TSPAN9: variants seen among roughly 807,000 people sequenced by gnomAD.
TSPAN9 encodes tetraspanin-9.
A neutral mutation model predicts 31.0 loss-of-function variants in TSPAN9; 16 were observed. The observed-to-expected ratio is 0.52, with a 90% CI of 0.35 to 0.78. TSPAN9 has a LOEUF of 0.78. Among genes scored for constraint, TSPAN9 ranks in the 30% least tolerant of loss-of-function variants. TSPAN9 has a pLI of 0.01. For synonymous variants in TSPAN9, 145 were observed against 121.6 expected (o/e 1.19, Z -1.27); for missense variants, 272 against 312.5 (o/e 0.87, Z 0.98).
chr12:3,214,848 C>CAGCGATCGTCATTAGGAAG (rs1165493100), intron 3 of TSPAN9, among the ~76,000 whole-genome samples: 4 of 152,084 alleles, frequency 2.6e-5, no homozygotes, highest in Admixed American at 2.0e-4. Context: ...TTCCTCCCTC[C>CAGCGATCGTCATTAGGAAG]AGCGATCGTC....
chr12:3,243,537 CAGGAGATAGGGCTGTTGGCTA>C (rs765706692), intron 3 of TSPAN9, among the ~76,000 whole-genome samples: 8 of 152,218 alleles, frequency 5.3e-5, no homozygotes, highest in Non-Finnish European at 1.2e-4. Context: ...GCCCTGAGCC[CAGGAGATAGGGCTGTTGGCTA>C]AGCAGCTTAG....
intron 2 of TSPAN9, among the ~76,000 whole-genome samples, chr12:3,182,066 G>A (rs370794627): frequency 1.2e-4 from 19 of 152,196 alleles, no homozygotes; most frequent in African/African-American, 3.9e-4. Flanking sequence ...GGGTAGACAG[G>A]AATTTTTGGC....
chr12:3,259,799 G>C (rs993186469), intron 3 of TSPAN9, among the ~76,000 whole-genome samples: 2 of 152,244 alleles, frequency 1.3e-5, no homozygotes, highest in African/African-American at 4.8e-5. Context: ...GAAGGACTCT[G>C]TTCCACATGT....
Position 3,126,713 on chromosome 12 carries a change from A to G in TSPAN9, c.-18+42994A>G, listed in dbSNP as rs542720134. Among the ~76,000 whole-genome samples, 4 of 152,144 alleles carry G rather than the reference A, an allele frequency of 2.6e-5. No homozygotes were observed. The East Asian group carries it at 7.8e-4, about 30-fold the overall frequency. On this transcript the variant is annotated intron_variant, in intron 2 of 8. Coordinates refer to ENST00000011898, the MANE Select transcript of TSPAN9 (RefSeq NM_006675.5). Reference sequence around the variant, plus strand: ...CCCTTGAGCCCAGGAAATTGAGACTAGCCTGGGCAACATAGTGAGACCCTG... The same window carrying G: ...CCCTTGAGCCCAGGAAATTGAGACTGGCCTGGGCAACATAGTGAGACCCTG...
rs116704759 is a variant in TSPAN9 at position 3,232,957 on chromosome 12, C to T, written c.63+31701C>T. ...TTCCCTACTTGGGGTCTGGCCTTCT[C>T]ACAGGAGGACAGCTGTCCCACCTGT... On this transcript the variant is annotated intron_variant, in intron 3 of 8. Coordinates refer to ENST00000011898, the MANE Select transcript of TSPAN9 (RefSeq NM_006675.5). Among the ~76,000 whole-genome samples, 909 of 152,350 alleles carry T rather than the reference C, an allele frequency of 6.0e-3. 10 individuals are homozygous for T. Among genetic ancestry groups the T allele is most frequent in the African/African-American group, 0.02 (848 of 41,566 alleles).
chr12:3,179,572 T>C (rs59365857), intron 2 of TSPAN9, among the ~76,000 whole-genome samples: 6,211 of 152,252 alleles, frequency 0.041, 408 homozygotes, highest in African/African-American at 0.14. Context: ...GTAGAATTTG[T>C]AACGGGTAAG....
intron 2 of TSPAN9, among the ~76,000 whole-genome samples, chr12:3,137,120 C>T (rs1462528923): frequency 1.3e-5 from 2 of 152,242 alleles, no homozygotes; most frequent in Admixed American, 6.5e-5. Context: ...GCAGGACCTT[C>T]CAAACTAAGG....
chr12:3,151,964 A>C (rs952351696), intron 2 of TSPAN9, among the ~76,000 whole-genome samples: 6 of 152,178 alleles, frequency 3.9e-5, no homozygotes, highest in African/African-American at 1.4e-4. Context: ...TTGGAATTGA[A>C]AAGTAAAAGC....
intron 3 of TSPAN9, among the ~76,000 whole-genome samples, chr12:3,267,429 G>A (rs1364368554): frequency 6.6e-6 from 1 of 152,230 alleles, no homozygotes; most frequent in Non-Finnish European, 1.5e-5. Flanking sequence ...TGCCAGAGCT[G>A]CACTGCACCT....
At chr12:3,085,387 C>T (rs574055719) in intron 2 of TSPAN9, among the ~76,000 whole-genome samples, 14 of 151,432 alleles carry the variant, frequency 9.2e-5, no homozygotes, top group Non-Finnish European at 1.5e-4. Context: ...TAGCCCCTGA[C>T]GTCACCAGCC....
At chr12:3,090,543 A>G (rs74054898) in intron 2 of TSPAN9, among the ~76,000 whole-genome samples, 6,871 of 152,324 alleles carry the variant, frequency 0.045, 526 homozygotes, top group African/African-American at 0.16. Flanking sequence ...AAAACAGTCT[A>G]CAAGACCTCT....
chr12:3,160,494 A>G (rs55862802), intron 2 of TSPAN9, among the ~76,000 whole-genome samples: 12,423 of 152,260 alleles, frequency 0.082, 524 homozygotes, highest in Non-Finnish European at 0.098. Flanking sequence ...CTCTATGTTT[A>G]ACTTTTTGAG....
At chr12:3,190,955 G>A (rs1380624086) in intron 2 of TSPAN9, among the ~76,000 whole-genome samples, 3 of 152,350 alleles carry the variant, frequency 2.0e-5, no homozygotes, top group Non-Finnish European at 4.4e-5. Flanking sequence ...TTGGGAGCGG[G>A]GGAAGGTCAG....
intron 2 of TSPAN9, among the ~76,000 whole-genome samples, chr12:3,163,434 A>T (rs1449636758): frequency 1.3e-5 from 2 of 152,216 alleles, no homozygotes; most frequent in Non-Finnish European, 1.5e-5. Context: ...TGTATAGGGC[A>T]GGGACCATGG....
chr12:3,141,813 G>A (rs539918606), intron 2 of TSPAN9, among the ~76,000 whole-genome samples: 3 of 152,298 alleles, frequency 2.0e-5, no homozygotes, highest in African/African-American at 7.2e-5. Flanking sequence ...GACCTGTTCT[G>A]TGGGCTGCTC....
In TSPAN9 at chr12:3,280,339, C is replaced by T. The variant is rs201570884; in HGVS notation, c.331-43C>T. On this transcript the variant is annotated intron_variant, in intron 5 of 8. Coordinates refer to ENST00000011898, the MANE Select transcript of TSPAN9 (RefSeq NM_006675.5). The surrounding 1 kb of genome is among the most constrained non-coding windows in gnomAD (Gnocchi z 4.5). Reference sequence around the variant, plus strand: ...TGAGGTGGGCTGGAGAGACGAGCTGCGTCCTGGTTCCAACCGTCTCACTGT... The same window carrying T: ...TGAGGTGGGCTGGAGAGACGAGCTGTGTCCTGGTTCCAACCGTCTCACTGT... 202 of 1,574,476 alleles carry T rather than the reference C, an allele frequency of 1.3e-4. 1 individual carries two copies. Among genetic ancestry groups the T allele is most frequent in the Non-Finnish European group, 1.6e-4 (185 of 1,148,750 alleles).
intron 2 of TSPAN9, among the ~76,000 whole-genome samples, chr12:3,086,324 T>C (rs1321065008): frequency 1.2e-5 from 1 of 81,926 alleles, no homozygotes; most frequent in African/African-American, 3.5e-5. Context: ...TGGAGCCAAA[T>C]GTAGATTTTT....
rs919140234 is a variant in TSPAN9, at chr12:3,168,774, T to C, written c.-17-32403T>C. On this transcript the variant is annotated intron_variant, in intron 2 of 8. Transcript: ENST00000011898. The surrounding 1 kb of genome is among the most constrained non-coding windows in gnomAD (Gnocchi z 4.0). Reference sequence around the variant, plus strand: ...GAAGCTGAGGCCACTCTCCGCCCCCTCTCTTTTCTGTGTCTCCACCATAAA... The same window carrying C: ...GAAGCTGAGGCCACTCTCCGCCCCCCCTCTTTTCTGTGTCTCCACCATAAA... 6.6e-6 allele frequency among the ~76,000 whole-genome samples: 1 copy of C among 152,172 alleles called. No homozygotes were observed. Among genetic ancestry groups the C allele is most frequent in the Non-Finnish European group, 1.5e-5 (1 of 68,014 alleles).
intron 3 of TSPAN9, among the ~76,000 whole-genome samples, chr12:3,202,862 T>C (rs1208782421): frequency 6.6e-6 from 1 of 152,234 alleles, no homozygotes; most frequent in Admixed American, 6.5e-5. Context: ...ATTCTTTTTC[T>C]GGTGGCAAGC....
Sources: gnomAD v4.1 joint callset for allele counts (sites outside exome capture counted in the v4.1 genomes callset) on GRCh38, gnomAD v4.1.1 for gene constraint, Gnocchi (gnomAD v3.1) non-coding constraint, MANE v1.5 for transcripts, NCBI Gene and HGNC (gene_info 2026-07-23, HGNC 2026-07-21) for gene names.